DDX4: variants seen among roughly 807,000 people sequenced by gnomAD.
DDX4 encodes DEAD-box helicase 4, also known as probable ATP-dependent RNA helicase DDX4.
A neutral mutation model predicts 100.0 loss-of-function variants in DDX4; 25 were observed. The ratio of observed to expected loss-of-function variants is 0.25; its 90% CI spans 0.18 to 0.35. The LOEUF (loss-of-function observed/expected upper bound fraction) is 0.35. Ranked by LOEUF, DDX4 falls within the 10% of genes least tolerant of loss-of-function variation. The pLI, the probability that DDX4 is intolerant of heterozygous loss-of-function variation, is 1.00. For missense variants in DDX4, 635 were observed against 882.4 expected (o/e 0.72, Z 3.55); for synonymous variants, 259 against 275.7 (o/e 0.94, Z 0.60).
In DDX4 at chr5:55,738,986, C is replaced by A. The variant is rs773257485; in HGVS notation, c.23C>A (p.Ala8Glu). The A allele has an allele frequency of 2.5e-6, 4 of 1,606,394 alleles. No individual in the cohort carries two copies. In the South Asian group the frequency reaches 4.4e-5, roughly 18 times the overall value. Residue 8 changes from alanine to glutamate, a missense_variant, in exon 2 of 22, where the codon GCA becomes GAA. Transcript: ENST00000505374. ...ACCATGGGAGATGAAGATTGGGAAG[C>A]AGAAATCAACCCTCATATGTCTTCC... MGDEDWE[A>E]EINPHMSSYV...
At chr5:55,808,710 G>C (rs1205472192) in intron 18 of DDX4, among the ~76,000 whole-genome samples, 1 of 152,208 alleles carries the variant, frequency 6.6e-6, no homozygotes, top group Non-Finnish European at 1.5e-5. Flanking sequence ...GGCTGTGTGA[G>C]GTGTCAGTCT....
intron 5 of DDX4, among the ~76,000 whole-genome samples, chr5:55,763,736 T>G (rs954370590): frequency 6.6e-6 from 1 of 152,174 alleles, no homozygotes; most frequent in Admixed American, 6.5e-5. Context: ...CACTGACATA[T>G]TCCTCTGTTT....
intron 3 of DDX4, among the ~76,000 whole-genome samples, chr5:55,754,221 T>C (rs1229496319): frequency 6.7e-6 from 1 of 150,316 alleles, no homozygotes; most frequent in Non-Finnish European, 1.5e-5. Flanking sequence ...TGAATAGGAG[T>C]GGTGAGAGAA....
At chr5:55,808,049 A>T (rs912745265) in intron 18 of DDX4, among the ~76,000 whole-genome samples, 2 of 152,062 alleles carry the variant, frequency 1.3e-5, no homozygotes, top group Non-Finnish European at 2.9e-5. Flanking sequence ...ACTTCTCTTC[A>T]CATTTCATTT....
chr5:55,752,646 G>A (rs1250411999), intron 3 of DDX4, among the ~76,000 whole-genome samples: 105 of 147,476 alleles, frequency 7.1e-4, no homozygotes, highest in African/African-American at 1.9e-3. Flanking sequence ...ATAAACATAC[G>A]TGTGCATGTG....
chr5:55,811,345 G>T (rs1452654019), intron 18 of DDX4, among the ~76,000 whole-genome samples: 1 of 152,028 alleles, frequency 6.6e-6, no homozygotes, highest in South Asian at 2.1e-4. Flanking sequence ...GACAAAATGT[G>T]TCTCCCCCAG....
intron 21 of DDX4, among the ~76,000 whole-genome samples, chr5:55,815,774 C>CTTTTTTTTTTTTTTTTTTTTTTTTTT (rs67244556): frequency 7.4e-6 from 1 of 135,988 alleles, no homozygotes; most frequent in African/African-American, 2.7e-5. Flanking sequence ...TTTTTCTTTT[C>CTTTTTTTTTTTTTTTTTTTTTTTTTT]TTTTTTTTTT....
chr5:55,816,717 C>G lies in DDX4; in HGVS notation c.*177C>G. 1 of 1,084,662 alleles carries G rather than the reference C, an allele frequency of 9.2e-7. No individual in the cohort carries two copies. Among genetic ancestry groups the G allele is most frequent in the Admixed American group, 3.2e-5 (1 of 31,586 alleles). The allele number at this position is 1,084,662 out of a possible 1,614,324, so 67.2% of individuals were successfully genotyped here. A position where few individuals can be genotyped will look rare whatever the true frequency, so the allele number is the denominator to read the frequency against. Reference sequence around the variant, plus strand: ...TAGTTATGTGAGATGCTAAAACTTACAACATTGCAGTTACTGATACAAATG... The same window carrying G: ...TAGTTATGTGAGATGCTAAAACTTAGAACATTGCAGTTACTGATACAAATG... On this transcript the variant is annotated 3_prime_UTR_variant, in exon 22 of 22. Coordinates refer to ENST00000505374, the MANE Select transcript of DDX4 (RefSeq NM_024415.3).
Position 55,816,836 on chromosome 5 carries a change from A to G in DDX4, c.*296A>G, listed in dbSNP as rs780411455. 8.1e-5 allele frequency: 25 copies of G among 309,038 alleles called. No homozygotes were observed. The highest frequency in any genetic ancestry group is 1.4e-4 in the Non-Finnish European group (25 of 172,782). The allele number at this position is 309,038 out of a possible 1,614,324, so 19.1% of individuals were successfully genotyped here. ...AGACATGTTTAATGTTTAAATGCCA[A>G]GTCTTACTATAGTGTTTATTGATCT... On this transcript the variant is annotated 3_prime_UTR_variant, in exon 22 of 22. Transcript: ENST00000505374.
intron 18 of DDX4, among the ~76,000 whole-genome samples, chr5:55,803,572 G>A (rs1187284805): frequency 9.7e-5 from 14 of 144,680 alleles, no homozygotes; most frequent in Admixed American, 1.4e-4. Flanking sequence ...GAGAATATGC[G>A]GTGTTTGGTT....
At chr5:55,754,151 G>C (rs1294895802) in intron 3 of DDX4, among the ~76,000 whole-genome samples, 2 of 148,614 alleles carry the variant, frequency 1.3e-5, no homozygotes, top group Non-Finnish European at 3.0e-5. Context: ...TTTCCTAATT[G>C]AATACCCTTT....
At chr5:55,782,248 A>C in intron 10 of DDX4, 1 of 351,190 alleles carries the variant, frequency 2.8e-6, no homozygotes, top group Non-Finnish European at 5.2e-6. Flanking sequence ...ATGTACAAGG[A>C]TGTTCACTGA....
At chr5:55,768,013 G>A in intron 7 of DDX4, 73 bp downstream of exon 7, 1 of 1,359,672 alleles carries the variant, frequency 7.4e-7, no homozygotes, top group Non-Finnish European at 1.1e-6. Context: ...TTTTGAAGGA[G>A]CTGGATGAAA....
intron 17 of DDX4, among the ~76,000 whole-genome samples, chr5:55,796,823 C>CTTTCTTTT (rs1742981166): frequency 3.3e-5 from 2 of 59,936 alleles, no homozygotes; most frequent in Non-Finnish European, 6.5e-5. Context: ...TTCTTTCTTT[C>CTTTCTTTT]TTTTTTTTTT....
At chr5:55,783,733 C>T (rs1257007711) in intron 10 of DDX4, among the ~76,000 whole-genome samples, 2 of 151,252 alleles carry the variant, frequency 1.3e-5, no homozygotes, top group Non-Finnish European at 2.9e-5. Context: ...GGAATTGGCT[C>T]GTGAGATTAT....
At chr5:55,773,698 C>T (rs1351504469) in intron 7 of DDX4, among the ~76,000 whole-genome samples, 1 of 152,094 alleles carries the variant, frequency 6.6e-6, no homozygotes, top group East Asian at 1.9e-4. Context: ...AATTTCGGCT[C>T]ACTGCAGCCT....
Position 55,787,995 on chromosome 5 carries a change from T to G in DDX4, c.1167T>G (p.Ser389=). Reference sequence around the variant, plus strand: ...TTTATTTGGAAGCCAGAAAATTTTCTTTTGGGTAAGTACATCAGAGTGCTA... The same window carrying G: ...TTTATTTGGAAGCCAGAAAATTTTCGTTTGGGTAAGTACATCAGAGTGCTA... ...NQIYLEARKF[S]FGTCVRAVVI... is the part of the protein sequence containing the mutation. Residue 389 remains serine, a synonymous_variant, in exon 15 of 22, where the codon TCT becomes TCG. Transcript: ENST00000505374. 6.2e-7 allele frequency: 1 copy of G among 1,613,060 alleles called. No homozygotes were observed. Among genetic ancestry groups the G allele is most frequent in the Non-Finnish European group, 8.5e-7 (1 of 1,179,668 alleles).
At chr5:55,773,677 G>A (rs1741387967) in intron 7 of DDX4, among the ~76,000 whole-genome samples, 1 of 151,768 alleles carries the variant, frequency 6.6e-6, no homozygotes, top group Non-Finnish European at 1.5e-5. Flanking sequence ...CAGGCTGGAG[G>A]GCTCTGTCAC....
chr5:55,807,691 A>C lies in DDX4; in HGVS notation c.1616-5982A>C, dbSNP rs1743831702. On this transcript the variant is annotated intron_variant, in intron 18 of 21. Transcript: ENST00000505374. Reference sequence around the variant, plus strand: ...CTTGTAGAGTTTCTGCCGAGAGATCAGCTGTTAGTCTGATGGGCTTCCCTT... The same window carrying C: ...CTTGTAGAGTTTCTGCCGAGAGATCCGCTGTTAGTCTGATGGGCTTCCCTT... Among the ~76,000 whole-genome samples the C allele has an allele frequency of 2.0e-5, 3 of 152,270 alleles. 1 individual carries two copies. Among genetic ancestry groups the C allele is most frequent in the Middle Eastern group, 6.8e-3 (2 of 294 alleles).
Sources: gnomAD v4.1 joint callset for allele counts (sites outside exome capture counted in the v4.1 genomes callset) on GRCh38, gnomAD v4.1.1 for gene constraint, MANE v1.5 for transcripts, NCBI Gene and HGNC (gene_info 2026-07-23, HGNC 2026-07-21) for gene names.